Variants in ARMH1 observed in about 807,000 individuals in gnomAD.
ARMH1 encodes armadillo like helical domain containing 1, also known as armadillo-like helical domain containing protein 1.
Under a neutral mutation model 50.2 loss-of-function variants are expected in ARMH1, and 34 were observed. That is an observed-to-expected ratio of 0.68 (90% confidence interval 0.51 to 0.90). ARMH1 has a LOEUF of 0.90. ARMH1 is among the 40% of genes least tolerant of loss of function. The probability of loss-of-function intolerance (pLI) is 0.00; values close to 1 mark genes in which losing one functional copy is unlikely to be tolerated. For missense variants in ARMH1, 538 were observed against 553.9 expected (o/e 0.97, Z 0.29); for synonymous variants, 221 against 224.2 (o/e 0.99, Z 0.13).
Position 44,697,134 on chromosome 1 carries a change from T to G in ARMH1, c.239T>G (p.Leu80Arg). 1 of 1,552,242 alleles carries G rather than the reference T, an allele frequency of 6.4e-7. No individual in the cohort carries two copies. Among genetic ancestry groups the G allele is most frequent in the East Asian group, 2.4e-5 (1 of 40,918 alleles). ...YMTDSCLEKL[L>R]RSIGIFLSAV... is the part of the protein sequence containing the mutation. ...ACTGACTCATGTTTAGAAAAGCTTC[T>G]CAGGTCCATTGGCATCTTCTTATCA... is the stretch of plus-strand genomic sequence containing the variant. Residue 80 changes from leucine to arginine, a missense_variant, in exon 3 of 12, where the codon CTC (leucine) becomes CGC (arginine). Leu to Arg is a moderately radical substitution (Grantham distance 102, BLOSUM62 -2). Transcript: ENST00000535358.
chr1:44,714,458 G>A (rs948510407), intron 6 of ARMH1, among the ~76,000 whole-genome samples: 7 of 151,940 alleles, frequency 4.6e-5, no homozygotes, highest in South Asian at 2.1e-4. Flanking sequence ...GGTGGTGCAT[G>A]CCTGTAATCC....
At chr1:44,708,733 A>G (rs987719842) in intron 6 of ARMH1, among the ~76,000 whole-genome samples, 1 of 152,118 alleles carries the variant, frequency 6.6e-6, no homozygotes, top group African/African-American at 2.4e-5. Flanking sequence ...TTTTCTATGA[A>G]GAACGCTACC....
chr1:44,711,074 C>T (rs1646593487), intron 6 of ARMH1, among the ~76,000 whole-genome samples: 1 of 152,354 alleles, frequency 6.6e-6, no homozygotes, highest in South Asian at 2.1e-4. Context: ...GTATCTACCA[C>T]AATTTGTTTA....
chr1:44,721,425 A>C lies in ARMH1; in HGVS notation c.725-2697A>C, dbSNP rs537425429. Among the ~76,000 whole-genome samples the C allele has an allele frequency of 9.2e-5, 14 of 152,312 alleles. No homozygotes were observed. In the South Asian group the frequency reaches 2.9e-3, roughly 32 times the overall value. On this transcript the variant is annotated intron_variant, in intron 6 of 11. Coordinates refer to ENST00000535358, the MANE Select transcript of ARMH1 (RefSeq NM_001145636.2). ...AGATAATCATGCACACAAAGTCATC[A>C]CTATAAATTGGAACTAGCACACTAG...
At chr1:44,695,782 A>C (rs1374013630) in intron 2 of ARMH1, among the ~76,000 whole-genome samples, 1 of 152,004 alleles carries the variant, frequency 6.6e-6, no homozygotes, top group Non-Finnish European at 1.5e-5. Context: ...CTCTACAAAA[A>C]ATACAGAAAA....
At chr1:44,721,518 A>G (rs1038372960) in intron 6 of ARMH1, among the ~76,000 whole-genome samples, 1 of 152,188 alleles carries the variant, frequency 6.6e-6, no homozygotes, top group Admixed American at 6.5e-5. Context: ...TCTTTTAAAA[A>G]AAAAAATCTT....
At position 44,714,764 on chromosome 1, in the gene ARMH1, C is replaced by T. The variant is rs1158302629; in HGVS notation, c.725-9358C>T. Among the ~76,000 whole-genome samples the T allele has an allele frequency of 5.3e-5, 8 of 152,120 alleles. No homozygotes were observed. In the East Asian group the frequency reaches 1.5e-3, roughly 29 times the overall value. On this transcript the variant is annotated intron_variant, in intron 6 of 11. Coordinates refer to ENST00000535358, the MANE Select transcript of ARMH1 (RefSeq NM_001145636.2). ...CTCACTGCAGCCTCAACCTCCTGGG[C>T]TCAAGTAAGTAGCTGGGACTACAGG...
Position 44,724,034 on chromosome 1 carries a change from C to T in ARMH1, c.725-88C>T. ...GATCAGTAAAAGAGGAGGACACTGA[C>T]GAGTGGCGACTTGGTTCACGGGGTT... On this transcript the variant is annotated intron_variant, in intron 6 of 11. Coordinates refer to ENST00000535358, the MANE Select transcript of ARMH1 (RefSeq NM_001145636.2). This position sits in a 1 kb window ranked among gnomAD's most constrained non-coding sequence, Gnocchi z 6.4. 2.7e-6 allele frequency: 4 copies of T among 1,480,390 alleles called. No homozygotes were observed. Among genetic ancestry groups the T allele is most frequent in the Non-Finnish European group, 3.6e-6 (4 of 1,103,666 alleles). The allele number at this position is 1,480,390 out of a possible 1,614,324, so 91.7% of individuals were successfully genotyped here. A position where few individuals can be genotyped will look rare whatever the true frequency, so the allele number is the denominator to read the frequency against.
chr1:44,709,486 C>T (rs983367380), intron 6 of ARMH1, among the ~76,000 whole-genome samples: 2 of 152,128 alleles, frequency 1.3e-5, no homozygotes, highest in African/African-American at 2.4e-5. Context: ...TCCTGGCTAA[C>T]ACGGTGAAAC....
chr1:44,702,431 G>A (rs923362214), intron 5 of ARMH1, among the ~76,000 whole-genome samples: 12 of 152,008 alleles, frequency 7.9e-5, no homozygotes, highest in Non-Finnish European at 1.5e-5. Flanking sequence ...GGCAATGACA[G>A]GGCCGGGCGC....
rs1645317743 is a variant in ARMH1 at position 44,681,629 on chromosome 1, C to CTTTT, written c.-23+6757_-23+6758insTTTT. 6.6e-6 allele frequency among the ~76,000 whole-genome samples: 1 copy of CTTTT among 151,912 alleles called. No individual in the cohort carries two copies. The stretch of plus-strand genomic sequence containing the variant: ...GAAGGCGGGGTGGATGGAGGCAGAG[C>CTTTT]TCTGGTAGATGGCTAGAGAAGGAGA... On this transcript the variant is annotated intron_variant, in intron 1 of 11. Coordinates refer to ENST00000535358, the MANE Select transcript of ARMH1 (RefSeq NM_001145636.2). This position sits in a 1 kb window ranked among gnomAD's most constrained non-coding sequence, Gnocchi z 4.3.
chr1:44,698,086 T>C lies in ARMH1; in HGVS notation c.299T>C (p.Leu100Pro). 6.4e-7 allele frequency: 1 copy of C among 1,550,830 alleles called. No individual in the cohort carries two copies. Among genetic ancestry groups the C allele is most frequent in the Non-Finnish European group, 8.7e-7 (1 of 1,146,204 alleles). Reference sequence around the variant, plus strand: ...AGTAATCGGTACCTTATAGAATTTCTTGAGGTTGGAGGTGTCCTAACCCTC... The same window carrying C: ...AGTAATCGGTACCTTATAGAATTTCCTGAGGTTGGAGGTGTCCTAACCCTC... The part of the protein sequence containing the change: ...VSSNRYLIEF[L>P]EVGGVLTLLE... Residue 100 changes from leucine to proline, a missense_variant, in exon 4 of 12, where the codon CTT (leucine) becomes CCT (proline). Coordinates refer to ENST00000535358, the MANE Select transcript of ARMH1 (RefSeq NM_001145636.2).
At chr1:44,676,676 T>C (rs189124407) in intron 1 of ARMH1, among the ~76,000 whole-genome samples, 265 of 152,290 alleles carry the variant, frequency 1.7e-3, no homozygotes, top group Non-Finnish European at 3.3e-3. Flanking sequence ...TTGGTGACCT[T>C]TACAAGTGCA....
intron 6 of ARMH1, among the ~76,000 whole-genome samples, chr1:44,722,082 A>T (rs72672000): frequency 0.042 from 6,437 of 152,278 alleles, 190 homozygotes; most frequent in Admixed American, 0.059. Context: ...TCAAACAGAT[A>T]ACCCTGGTAA....
At chr1:44,701,238 CTGT>C in intron 5 of ARMH1, 119 bp downstream of exon 5, 3 of 1,000,922 alleles carry the variant, frequency 3.0e-6, no homozygotes, top group Non-Finnish European at 2.9e-6. Context: ...CACTGCATGT[CTGT>C]TGTTCAATCA....
chr1:44,701,357 TG>T (rs1270825890), intron 5 of ARMH1, among the ~76,000 whole-genome samples: 3 of 152,116 alleles, frequency 2.0e-5, no homozygotes, highest in Admixed American at 2.0e-4. Flanking sequence ...GACTTAAAAG[TG>T]GTTGAGACAA....
chr1:44,710,735 C>A (rs1216719190), intron 6 of ARMH1, among the ~76,000 whole-genome samples: 1 of 151,450 alleles, frequency 6.6e-6, no homozygotes, highest in African/African-American at 2.4e-5. Context: ...TTAAAGTGAA[C>A]AATTCAGTGG....
At position 44,724,262 on chromosome 1, in the gene ARMH1, T is replaced by C. The variant is rs1377875800; in HGVS notation, c.847+18T>C. On this transcript the variant is annotated intron_variant, in intron 7 of 11. Coordinates refer to ENST00000535358, the MANE Select transcript of ARMH1 (RefSeq NM_001145636.2). This position sits in a 1 kb window ranked among gnomAD's most constrained non-coding sequence, Gnocchi z 6.4. ...CCTCAGTGGTAAGGACCTGCTCAAA[T>C]GGGGCTGCCTGGGCCACGGGAGGGC... 3.9e-6 allele frequency: 6 copies of C among 1,551,184 alleles called. No individual in the cohort carries two copies. In the African/African-American group the frequency reaches 5.5e-5, roughly 14 times the overall value.
At chr1:44,691,596 C>T (rs764802574) in intron 2 of ARMH1, among the ~76,000 whole-genome samples, 1 of 152,194 alleles carries the variant, frequency 6.6e-6, no homozygotes, top group Non-Finnish European at 1.5e-5. Flanking sequence ...ATCCTCGTCC[C>T]TCTTCTCTAC....
Sources: allele counts gnomAD v4.1 joint callset (sites outside exome capture counted in the v4.1 genomes callset), GRCh38; gene constraint gnomAD v4.1.1; non-coding constraint Gnocchi (gnomAD v3.1); transcripts MANE v1.5; gene names NCBI Gene and HGNC (gene_info 2026-07-23, HGNC 2026-07-21).